The following SLTM variants were observed in gnomAD, a reference collection of about 807,000 sequenced individuals.
SLTM encodes the protein SAFB like transcription modulator.
In SLTM, 43 loss-of-function variants were observed where a neutral mutation model predicts 134.6. The ratio of observed to expected loss-of-function variants is 0.32; its 90% confidence interval spans 0.25 to 0.41. The LOEUF is 0.41. SLTM is among the 10% of genes least tolerant of loss of function. The probability of loss-of-function intolerance (pLI) is 1.00; values close to 1 mark genes in which losing one functional copy is unlikely to be tolerated. For missense variants in SLTM, 1,055 were observed against 1,288.8 expected (o/e 0.82, Z 2.78); for synonymous variants, 424 against 432.3 (o/e 0.98, Z 0.24).
intron 2 of SLTM, chr15:58,921,316 A>G (rs1175187134): frequency 1.3e-5 from 2 of 154,212 alleles, no homozygotes; most frequent in African/African-American, 4.8e-5. Flanking sequence ...ATGCAGCCCA[A>G]TTTCCATTCC....
intron 5 of SLTM, 144 bp downstream of exon 5, chr15:58,912,419 G>A: frequency 1.3e-6 from 1 of 772,172 alleles, no homozygotes; most frequent in South Asian, 1.6e-5. Flanking sequence ...ATAGTTTTAA[G>A]TACTTTGTGT....
chr15:58,915,059 G>C (rs533715744), intron 3 of SLTM, among the ~76,000 whole-genome samples: 1 of 151,970 alleles, frequency 6.6e-6, no homozygotes, highest in Non-Finnish European at 1.5e-5. Flanking sequence ...GGCCTGGTGC[G>C]GTAAGCCGGT....
rs140029214 is a variant in SLTM at position 58,908,002 on chromosome 15, CGTGT to C, written c.561+4557_561+4560del. On this transcript the variant is annotated intron_variant, in intron 5 of 20. Coordinates refer to ENST00000380516, the MANE Select transcript of SLTM (RefSeq NM_024755.4). ...GATATATCCCTATATAAACATGCTGCGTGTGTGTGTGTGTGTGTGTGTGTGTGTG... is the reference window on the plus strand; with the variant it reads ...GATATATCCCTATATAAACATGCTGCGTGTGTGTGTGTGTGTGTGTGTGTG... 5.2e-3 allele frequency among the ~76,000 whole-genome samples: 730 copies of C among 139,932 alleles called. 7 individuals are homozygous for C. The highest frequency in any genetic ancestry group is 0.018 in the African/African-American group (664 of 36,956). The allele number at this position is 139,932 out of a possible 152,430, so 91.8% of individuals were successfully genotyped here. A position where few individuals can be genotyped will look rare whatever the true frequency, so the allele number is the denominator to read the frequency against.
Position 58,887,262 on chromosome 15 carries a change from C to T in SLTM, c.2654G>A (p.Ser885Asn). Residue 885 changes from serine (S) to asparagine (N), a missense_variant, in exon 18 of 21, where the codon AGT becomes AAT. Around this residue, in one of 3 missense-constraint regions of SLTM, gnomAD observed 776 missense variants for 962.2 expected, o/e 0.81. Transcript: ENST00000380516. The part of the protein sequence containing the change: ...PNPSRPTSWK[S>N]EGSMSTDKRE... The stretch of plus-strand genomic sequence containing the variant: ...TTTGTCAGTGGACATGCTTCCTTCA[C>T]TTTTCCAGCTGGTGGGTCTGGAAGG... The T allele has an allele frequency of 6.2e-7, 1 of 1,614,208 alleles. No homozygotes were observed. Among genetic ancestry groups the T allele is most frequent in the Non-Finnish European group, 8.5e-7 (1 of 1,180,022 alleles).
chr15:58,904,719 T>C (rs1173713749), intron 5 of SLTM, among the ~76,000 whole-genome samples: 2 of 151,748 alleles, frequency 1.3e-5, no homozygotes, highest in Non-Finnish European at 2.9e-5. Flanking sequence ...CTGTTTTGTT[T>C]CGTTTTTCTG....
chr15:58,932,762 C>T (rs1321793174), intron 1 of SLTM, among the ~76,000 whole-genome samples: 3 of 152,166 alleles, frequency 2.0e-5, no homozygotes, highest in African/African-American at 7.2e-5. Flanking sequence ...AAGTAAATAA[C>T]TAAAAAGAGT....
chr15:58,888,206 G>A (rs368662560), intron 17 of SLTM, among the ~76,000 whole-genome samples, 179 bp downstream of exon 17: 59 of 152,228 alleles, frequency 3.9e-4, no homozygotes, highest in African/African-American at 1.2e-3. Context: ...CTGCTTAATG[G>A]TGTTCTAGTT....
At chr15:58,892,015 T>C (rs2034676679) in intron 14 of SLTM, among the ~76,000 whole-genome samples, 1 of 152,194 alleles carries the variant, frequency 6.6e-6, no homozygotes, top group African/African-American at 2.4e-5. Flanking sequence ...AAATGGGTTC[T>C]ATGTGCTACA....
chr15:58,882,756 A>G (rs1359441891), intron 20 of SLTM, among the ~76,000 whole-genome samples: 1 of 152,184 alleles, frequency 6.6e-6, no homozygotes, highest in African/African-American at 2.4e-5. Flanking sequence ...CTCTCCTAAG[A>G]AAGAGGAATG....
chr15:58,907,448 C>T (rs1486850341), intron 5 of SLTM, among the ~76,000 whole-genome samples: 1 of 152,024 alleles, frequency 6.6e-6, no homozygotes, highest in Non-Finnish European at 1.5e-5. Context: ...AAGGCGAACC[C>T]CCATCTCTAC....
intron 3 of SLTM, among the ~76,000 whole-genome samples, chr15:58,916,415 C>G (rs2036655330): frequency 6.6e-6 from 1 of 152,188 alleles, no homozygotes; most frequent in Non-Finnish European, 1.5e-5. Flanking sequence ...CTCAAGTGAT[C>G]CGCCCGCCTA....
chr15:58,921,667 T>C (rs2037056118), intron 2 of SLTM: 1 of 313,446 alleles, frequency 3.2e-6, no homozygotes, highest in South Asian at 2.5e-5. Context: ...TCAAAAAAAA[T>C]GAAATCTCAC....
chr15:58,886,918 CATGAATCCTCTAA>C, intron 19 of SLTM, 44 bp downstream of exon 19: 1 of 1,605,500 alleles, frequency 6.2e-7, no homozygotes, highest in East Asian at 2.2e-5. Context: ...CAGAGTAGCT[CATGAATCCTCTAA>C]ATGTATGTGT....
At chr15:58,903,701 A>G (rs2035656391) in intron 5 of SLTM, among the ~76,000 whole-genome samples, 1 of 147,524 alleles carries the variant, frequency 6.8e-6, no homozygotes. Flanking sequence ...AATAATAATA[A>G]AAAGATTAAA....
At chr15:58,886,226 T>G (rs1393270155) in intron 19 of SLTM, among the ~76,000 whole-genome samples, 1 of 79,944 alleles carries the variant, frequency 1.3e-5, no homozygotes. Flanking sequence ...AGAGTGTGTG[T>G]GTGTGTGTGT....
intron 6 of SLTM, 122 bp from the exon 7 acceptor site, chr15:58,900,059 A>C: frequency 5.5e-6 from 1 of 182,688 alleles, no homozygotes; most frequent in Non-Finnish European, 8.7e-6. Flanking sequence ...GAAGTTAGGG[A>C]AAAAAAAAAA....
intron 2 of SLTM, among the ~76,000 whole-genome samples, chr15:58,925,000 A>G (rs906699762): frequency 2.0e-5 from 3 of 151,424 alleles, no homozygotes; most frequent in African/African-American, 7.3e-5. Context: ...AAATTTTAAA[A>G]TCATTTTGCC....
At chr15:58,930,922 A>G (rs1170104888) in intron 2 of SLTM, among the ~76,000 whole-genome samples, 1 of 152,084 alleles carries the variant, frequency 6.6e-6, no homozygotes, top group Non-Finnish European at 1.5e-5. Context: ...GTGAGAAAGG[A>G]ATAAATCATG....
chr15:58,915,342 C>T lies in SLTM; in HGVS notation c.315+1593G>A, dbSNP rs1012902797. ...CAGTACTATTGTTCGTCTCAATAGA[C>T]GTATATATCTCCTTAGGCCATTTCA... On this transcript the variant is annotated intron_variant, in intron 3 of 20. Coordinates refer to ENST00000380516, the MANE Select transcript of SLTM (RefSeq NM_024755.4). 7.2e-5 allele frequency among the ~76,000 whole-genome samples: 11 copies of T among 152,258 alleles called. No homozygotes were observed. In the South Asian group the frequency reaches 1.2e-3, roughly 17 times the overall value.
Sources: gnomAD v4.1 joint callset for allele counts (sites outside exome capture counted in the v4.1 genomes callset) on GRCh38, gnomAD v4.1.1 for gene constraint, gnomAD v4.1.1 regional missense constraint, MANE v1.5 for transcripts, NCBI Gene and HGNC (gene_info 2026-07-23, HGNC 2026-07-21) for gene names.